TENM3: variants seen among roughly 807,000 people sequenced by gnomAD.
TENM3 encodes the protein teneurin-3.
Under a neutral mutation model 255.1 loss-of-function variants are expected in TENM3, and 63 were observed. That is an observed-to-expected ratio of 0.25 (90% CI 0.20 to 0.30). TENM3 has a LOEUF of 0.30. TENM3 is among the 10% of genes least tolerant of loss of function. The probability of loss-of-function intolerance (pLI) is 1.00; values close to 1 mark genes in which losing one functional copy is unlikely to be tolerated. For missense variants in TENM3, 2,929 were observed against 3,461.1 expected (o/e 0.85, Z 3.86); for synonymous variants, 1,306 against 1,322.3 (o/e 0.99, Z 0.27).
At chr4:182,052,069 C>CAGTG in the TENM3 span, among the ~76,000 whole-genome samples, 1 of 152,074 alleles carries the variant, frequency 6.6e-6, no homozygotes, top group Non-Finnish European at 1.5e-5. Flanking sequence ...AAACATCCTA[C>CAGTG]AGTGCATAGA....
At chr4:181,538,221 C>G in the TENM3 span, among the ~76,000 whole-genome samples, 35 of 152,252 alleles carry the variant, frequency 2.3e-4, no homozygotes, top group Non-Finnish European at 4.6e-4. Flanking sequence ...TTGATCAATA[C>G]ACAGATTACA....
chr4:182,172,659 A>G (rs1323771811), intron 1 of TENM3, among the ~76,000 whole-genome samples: 1 of 152,214 alleles, frequency 6.6e-6, no homozygotes, highest in Non-Finnish European at 1.5e-5. Flanking sequence ...ATAATCATAA[A>G]GTTACTGGCT....
chr4:181,668,409 G>A, the TENM3 span, among the ~76,000 whole-genome samples: 1 of 152,152 alleles, frequency 6.6e-6, no homozygotes, highest in East Asian at 1.9e-4. Context: ...GAACATAAAT[G>A]TATTGTTTCA....
chr4:181,570,132 G>A, the TENM3 span, among the ~76,000 whole-genome samples: 1 of 143,056 alleles, frequency 7.0e-6, no homozygotes, highest in Non-Finnish European at 1.5e-5. Context: ...TGCAAGCTCC[G>A]CCTCCCGGGT....
the TENM3 span, among the ~76,000 whole-genome samples, chr4:181,926,324 A>G: frequency 6.6e-6 from 1 of 152,208 alleles, no homozygotes; most frequent in Admixed American, 6.5e-5. Context: ...GAAGGGACAG[A>G]GAAAATACTG....
At chr4:181,637,943 G>A in the TENM3 span, among the ~76,000 whole-genome samples, 1 of 152,116 alleles carries the variant, frequency 6.6e-6, no homozygotes, top group African/African-American at 2.4e-5. Context: ...GAATGACAGG[G>A]TATATCCTGC....
rs577829628 is a variant in TENM3, at chr4:182,729,298, T to A, written c.2585+117T>A. 1.1e-4 allele frequency: 94 copies of A among 866,208 alleles called. 1 individual carries two copies. In the East Asian group the frequency reaches 2.4e-3, roughly 22 times the overall value. The allele number at this position is 866,208 out of a possible 1,614,324, so 53.7% of individuals were successfully genotyped here. A position where few individuals can be genotyped will look rare whatever the true frequency, so the allele number is the denominator to read the frequency against. ...AAAGTGCTGTTTTTTAAATACAGTT[T>A]TTCCTCTTTCTGCAGATTCTTCACC... On this transcript the variant is annotated intron_variant, in intron 14 of 27. Transcript: ENST00000511685.
At chr4:182,028,413 A>G in the TENM3 span, among the ~76,000 whole-genome samples, 4 of 152,130 alleles carry the variant, frequency 2.6e-5, no homozygotes, top group Non-Finnish European at 1.5e-5. Flanking sequence ...CAAAAAACCA[A>G]CTGGTTGTTT....
chr4:182,145,392 G>T (rs937836781), intron 1 of TENM3: 1 of 152,152 alleles, frequency 6.6e-6, no homozygotes, highest in Admixed American at 6.5e-5. Context: ...TGAGCTGGGC[G>T]TTTCAAAAAT....
At chr4:182,066,779 C>T in the TENM3 span, among the ~76,000 whole-genome samples, 120 of 151,968 alleles carry the variant, frequency 7.9e-4, no homozygotes, top group South Asian at 1.9e-3. Flanking sequence ...GGCGTGGTGG[C>T]AGGCGCCTGT....
chr4:182,650,687 T>C (rs1279650941), intron 5 of TENM3, among the ~76,000 whole-genome samples: 1 of 148,978 alleles, frequency 6.7e-6, no homozygotes, highest in Admixed American at 6.7e-5. Flanking sequence ...TCTTAAATTA[T>C]GCATAATGAG....
the TENM3 span, among the ~76,000 whole-genome samples, chr4:181,703,437 A>G: frequency 6.6e-6 from 1 of 152,222 alleles, no homozygotes; most frequent in Non-Finnish European, 1.5e-5. Flanking sequence ...AAATGGTTGC[A>G]TACAGATCTA....
At chr4:182,364,542 G>A (rs1373799978) in intron 3 of TENM3, among the ~76,000 whole-genome samples, 3 of 151,966 alleles carry the variant, frequency 2.0e-5, no homozygotes, top group African/African-American at 4.8e-5. Flanking sequence ...TCAGCCTCCC[G>A]AGTAGCTGGG....
intron 1 of TENM3, among the ~76,000 whole-genome samples, chr4:182,298,668 G>A (rs1761646211): frequency 6.6e-6 from 1 of 151,958 alleles, no homozygotes; most frequent in Admixed American, 6.6e-5. Context: ...AACAATTGAA[G>A]CACATTAAAA....
At chr4:181,741,059 A>C in the TENM3 span, among the ~76,000 whole-genome samples, 1 of 152,228 alleles carries the variant, frequency 6.6e-6, no homozygotes, top group Non-Finnish European at 1.5e-5. Flanking sequence ...TTTAGCATCA[A>C]GGCTGTCTTT....
At chr4:181,855,547 C>T in the TENM3 span, among the ~76,000 whole-genome samples, 1 of 152,128 alleles carries the variant, frequency 6.6e-6, no homozygotes, top group African/African-American at 2.4e-5. Context: ...GTTTGTTTGG[C>T]TCCCAATTTC....
chr4:181,502,704 C>T, the TENM3 span, among the ~76,000 whole-genome samples: 4 of 152,240 alleles, frequency 2.6e-5, no homozygotes, highest in African/African-American at 9.6e-5. Flanking sequence ...ACTTACCTGA[C>T]CCATAGGGAA....
chr4:182,548,417 G>T (rs1741665333), intron 3 of TENM3, among the ~76,000 whole-genome samples: 1 of 152,060 alleles, frequency 6.6e-6, no homozygotes, highest in South Asian at 2.1e-4. Flanking sequence ...ATAGAACCCA[G>T]ACTCTTAACT....
chr4:181,705,928 T>C, the TENM3 span, among the ~76,000 whole-genome samples: 7 of 152,190 alleles, frequency 4.6e-5, no homozygotes, highest in African/African-American at 1.7e-4. Flanking sequence ...TCATTGAGCC[T>C]GGGCAACAAG....
Sources: allele counts gnomAD v4.1 joint callset (sites outside exome capture counted in the v4.1 genomes callset), GRCh38; gene constraint gnomAD v4.1.1; transcripts MANE v1.5; gene names NCBI Gene and HGNC (gene_info 2026-07-23, HGNC 2026-07-21).